RBM19: variants seen among roughly 807,000 people sequenced by gnomAD.
The protein encoded by RBM19 is RNA binding motif protein 19.
A neutral mutation model predicts 116.8 loss-of-function variants in RBM19; 94 were observed. The ratio of observed to expected loss-of-function variants is 0.80; its 90% confidence interval spans 0.68 to 0.95. The LOEUF (loss-of-function observed/expected upper bound fraction) is 0.95, where lower values mean the gene tolerates loss of function less well. RBM19 is among the 40% of genes least tolerant of loss of function. RBM19 has a pLI of 0.00. For missense variants in RBM19, 1,161 were observed against 1,220.7 expected (o/e 0.95, Z 0.73); for synonymous variants, 475 against 494.1 (o/e 0.96, Z 0.51).
chr12:113,926,456 G>A (rs1200844071), intron 17 of RBM19, among the ~76,000 whole-genome samples: 9 of 152,116 alleles, frequency 5.9e-5, no homozygotes, highest in Non-Finnish European at 7.4e-5. Flanking sequence ...GCCACAAATT[G>A]GGGACCTTGC....
chr12:113,847,199 A>C (rs1165266416), intron 22 of RBM19, among the ~76,000 whole-genome samples: 1 of 152,338 alleles, frequency 6.6e-6, no homozygotes, highest in Middle Eastern at 3.4e-3. Context: ...CATTCAATAA[A>C]CAAATGAATC....
At chr12:113,856,729 C>T (rs1877933184) in intron 22 of RBM19, among the ~76,000 whole-genome samples, 1 of 152,234 alleles carries the variant, frequency 6.6e-6, no homozygotes, top group Non-Finnish European at 1.5e-5. Context: ...AACACCCTTT[C>T]TTATTTCAGA....
chr12:113,837,278 C>CAT (rs1876046382), intron 23 of RBM19, among the ~76,000 whole-genome samples: 2 of 151,456 alleles, frequency 1.3e-5, no homozygotes, highest in Admixed American at 1.3e-4. Context: ...CACACACACA[C>CAT]GTGTGCTACT....
chr12:113,824,781 C>A (rs10850218), intron 23 of RBM19, among the ~76,000 whole-genome samples: 30,003 of 152,006 alleles, frequency 0.2, 3,325 homozygotes, highest in Middle Eastern at 0.33. Context: ...CAAATCAATT[C>A]AAACATTGAA....
rs994337566 is a variant in RBM19 at position 113,959,721 on chromosome 12, C to G, written c.378+144G>C. ...TCTCCCAGTGTCCACCCTCTCCAGC[C>G]TCTTCCCTTTCCTAGCCTCCACCCT... On this transcript the variant is annotated intron_variant, in intron 4 of 23. Transcript: ENST00000261741. 9 of 1,047,970 alleles carry G rather than the reference C, an allele frequency of 8.6e-6. No individual in the cohort carries two copies. In the African/African-American group the frequency reaches 1.1e-4, roughly 13 times the overall value. 64.9% of individuals were successfully genotyped at this position (1,047,970 alleles called of 1,614,324 possible).
chr12:113,896,172 C>T (rs1881310143), intron 21 of RBM19, among the ~76,000 whole-genome samples: 1 of 152,130 alleles, frequency 6.6e-6, no homozygotes, highest in South Asian at 2.1e-4. Flanking sequence ...TCCATGAGGT[C>T]GCTGGAGGTA....
At chr12:113,918,259 G>A in intron 20 of RBM19, 133 bp downstream of exon 20, 1 of 854,458 alleles carries the variant, frequency 1.2e-6, no homozygotes, top group African/African-American at 1.7e-5. Flanking sequence ...ATCTTAATTA[G>A]GAAGAGTCCT....
At chr12:113,824,762 C>T (rs934740019) in intron 23 of RBM19, among the ~76,000 whole-genome samples, 2 of 152,034 alleles carry the variant, frequency 1.3e-5, no homozygotes, top group African/African-American at 2.4e-5. Flanking sequence ...TCTTCAATCT[C>T]GTCCCTCCCA....
rs772520946 is a variant in RBM19 at position 113,962,331 on chromosome 12, C to T, written c.120G>A (p.Lys40=). 1.1e-5 allele frequency: 17 copies of T among 1,614,134 alleles called. No individual in the cohort carries two copies. In the East Asian group the frequency reaches 3.6e-4, roughly 34 times the overall value. The part of the protein sequence containing the change: ...DCSLKFTKDG[K]FRKFGFIGFK... ...AGCCAATAAAACCAAACTTGCGGAA[C>T]TTGCCATCTTTGGTGAACTTCAGGC... The change falls in exon 2 of 24, where the codon AAG becomes AAA. Residue 40 remains lysine, a synonymous_variant. Transcript: ENST00000261741.
chr12:113,939,985 G>A lies in RBM19; in HGVS notation c.1913C>T (p.Ala638Val). ...CTTGGAATAGGCCAGATGCCTGAAG[G>A]CCTTGCGGGCCTCCAGGGGCTCCAG... is the stretch of plus-strand genomic sequence containing the variant. ...EFLEPLEARK[A>V]FRHLAYSKFH... Residue 638 changes from alanine to valine, a missense_variant, in exon 15 of 24, where the codon GCC (alanine) becomes GTC (valine). By Grantham distance (64) the Ala-to-Val change is moderately conservative. Coordinates refer to ENST00000261741, the MANE Select transcript of RBM19 (RefSeq NM_016196.4). 6.2e-7 allele frequency: 1 copy of A among 1,614,086 alleles called. No homozygotes were observed. Among genetic ancestry groups the A allele is most frequent in the South Asian group, 1.1e-5 (1 of 91,078 alleles).
Position 113,822,960 on chromosome 12 carries a change from G to C in RBM19, c.*264C>G. ...TCTTCCTAACGTGGCTGCTCCCTTG[G>C]ACTCTTCCGTGTCTGCTACAGAGCA... On this transcript the variant is annotated 3_prime_UTR_variant, in exon 24 of 24. Coordinates refer to ENST00000261741, the MANE Select transcript of RBM19 (RefSeq NM_016196.4). 2.2e-6 allele frequency: 1 copy of C among 454,862 alleles called. No homozygotes were observed. The highest frequency in any genetic ancestry group is 2.4e-5 in the South Asian group (1 of 41,304). 28.2% of individuals were successfully genotyped at this position (454,862 alleles called of 1,614,324 possible). A position where few individuals can be genotyped will look rare whatever the true frequency, so the allele number is the denominator to read the frequency against.
At chr12:113,920,771 G>A (rs1868473991) in intron 18 of RBM19, 81 bp from the exon 19 acceptor site, 2 of 1,229,062 alleles carry the variant, frequency 1.6e-6, no homozygotes, top group Non-Finnish European at 2.4e-6. Flanking sequence ...CGGGCCCCCA[G>A]ACCTGCGCTG....
At chr12:113,956,309 AG>A (rs760368695) in intron 6 of RBM19, among the ~76,000 whole-genome samples, 67 of 152,254 alleles carry the variant, frequency 4.4e-4, no homozygotes, top group Non-Finnish European at 8.7e-4. Flanking sequence ...GGCCAGGTGC[AG>A]TGGCTCAGGC....
At chr12:113,964,168 CCTCAATTCAATCCCTAAACTAAAGATTG>C (rs1235082321) in intron 1 of RBM19, among the ~76,000 whole-genome samples, 1 of 152,206 alleles carries the variant, frequency 6.6e-6, no homozygotes, top group Non-Finnish European at 1.5e-5. Context: ...CTAATTATTT[CCTCAATTCAATCCCTAAACTAAAGATTG>C]CTCAATTCAA....
At chr12:113,866,019 CT>C (rs1279833984) in intron 21 of RBM19, among the ~76,000 whole-genome samples, 1 of 152,200 alleles carries the variant, frequency 6.6e-6, no homozygotes, top group Non-Finnish European at 1.5e-5. Context: ...GATGTTTTCT[CT>C]CCCGCAGAAG....
intron 23 of RBM19, among the ~76,000 whole-genome samples, chr12:113,833,971 C>T (rs528823575): frequency 2.0e-5 from 3 of 152,158 alleles, no homozygotes; most frequent in Non-Finnish European, 4.4e-5. Context: ...GTCTCAAACT[C>T]CTAGGCTCAA....
chr12:113,872,222 G>A (rs1283434059), intron 21 of RBM19, among the ~76,000 whole-genome samples: 1 of 144,652 alleles, frequency 6.9e-6, no homozygotes, highest in Non-Finnish European at 1.5e-5. Flanking sequence ...CCGAGACCCT[G>A]TCTGGGAGGT....
At chr12:113,860,783 G>A (rs1033627523) in intron 21 of RBM19, among the ~76,000 whole-genome samples, 19 of 152,278 alleles carry the variant, frequency 1.2e-4, no homozygotes, top group African/African-American at 4.6e-4. Flanking sequence ...GCCTTCCCTG[G>A]CCAGGGCTAG....
intron 18 of RBM19, among the ~76,000 whole-genome samples, chr12:113,923,611 C>T (rs532212194): frequency 2.2e-4 from 34 of 152,186 alleles, no homozygotes; most frequent in Non-Finnish European, 3.8e-4. Context: ...TAGGTGTAGG[C>T]GTATCTCCTG....
Sources: allele counts gnomAD v4.1 joint callset (sites outside exome capture counted in the v4.1 genomes callset), GRCh38; gene constraint gnomAD v4.1.1; transcripts MANE v1.5; gene names NCBI Gene and HGNC (gene_info 2026-07-23, HGNC 2026-07-21).